The following ASTN1 variants were observed in gnomAD, a reference collection of about 807,000 sequenced individuals.
ASTN1 encodes the protein astrotactin-1.
In ASTN1, 41 loss-of-function variants were observed where a neutral mutation model predicts 140.7. The ratio of observed to expected loss-of-function variants is 0.29; its 90% CI spans 0.23 to 0.38. The LOEUF (loss-of-function observed/expected upper bound fraction) is 0.38. Ranked by LOEUF, ASTN1 falls within the 10% of genes least tolerant of loss-of-function variation. ASTN1 has a pLI of 1.00. For synonymous variants in ASTN1, 640 were observed against 652.2 expected (o/e 0.98, Z 0.29); for missense variants, 1,479 against 1,678.8 (o/e 0.88, Z 2.08).
rs1213909805 is a variant in ASTN1 at position 176,949,233 on chromosome 1, G to T, written c.2006C>A (p.Ala669Glu). 1 of 1,614,022 alleles carries T rather than the reference G, an allele frequency of 6.2e-7. No homozygotes were observed. Among genetic ancestry groups the T allele is most frequent in the Admixed American group, 1.7e-5 (1 of 60,022 alleles). ...GCEQLCLQQM[A>E]PFPDDPTLYN... is the part of the protein sequence containing the mutation. ...CAAGGTGGGGTCGTCCGGGAAGGGC[G>T]CCATCTGCTGGAGGCACAGCTGCTC... is the stretch of plus-strand genomic sequence containing the variant. Residue 669 changes from alanine to glutamate, a missense_variant, in exon 12 of 23, where the codon GCG becomes GAG. Coordinates refer to ENST00000361833, the MANE Select transcript of ASTN1 (RefSeq NM_004319.3).
intron 1 of ASTN1, among the ~76,000 whole-genome samples, chr1:177,099,759 T>G (rs1286158849): frequency 6.6e-6 from 1 of 152,118 alleles, no homozygotes; most frequent in African/African-American, 2.4e-5. Context: ...CTTAATCTAC[T>G]TAGTAGGAGC....
chr1:177,012,995 C>G lies in ASTN1; in HGVS notation c.1523+1796G>C, dbSNP rs570726086. ...AGCTAAAATTTTGGATCCCCAGAAA[C>G]TATGCAAACATTTCAGAGGCAAAGA... On this transcript the variant is annotated intron_variant, in intron 8 of 22. Transcript: ENST00000361833. Among the ~76,000 whole-genome samples, 7 of 152,294 alleles carry G rather than the reference C, an allele frequency of 4.6e-5. No individual in the cohort carries two copies. In the South Asian group the frequency reaches 1.5e-3, roughly 32 times the overall value.
intron 3 of ASTN1, 23 bp downstream of exon 3, chr1:177,032,433 C>T (rs767376163): frequency 5.0e-6 from 8 of 1,605,544 alleles, no homozygotes; most frequent in East Asian, 2.2e-5. Flanking sequence ...CCAAACAGCC[C>T]CTTGCCTTTC....
At chr1:176,951,268 C>T (rs963720881) in intron 11 of ASTN1, among the ~76,000 whole-genome samples, 11 of 152,234 alleles carry the variant, frequency 7.2e-5, no homozygotes, top group African/African-American at 2.7e-4. Context: ...GTTTTGCTAG[C>T]CTCCCACTAA....
At chr1:177,092,744 CT>C (rs942665254) in intron 1 of ASTN1, among the ~76,000 whole-genome samples, 2 of 152,076 alleles carry the variant, frequency 1.3e-5, no homozygotes, top group African/African-American at 4.8e-5. Flanking sequence ...TGTCCCAGCA[CT>C]TTTTTTGACA....
At chr1:176,880,029 G>A (rs1571448699) in intron 20 of ASTN1, among the ~76,000 whole-genome samples, 2 of 152,190 alleles carry the variant, frequency 1.3e-5, no homozygotes, top group Non-Finnish European at 2.9e-5. Context: ...CACCCTCAGA[G>A]GGTTAGATGG....
At chr1:177,015,825 T>C (rs1348502131) in intron 7 of ASTN1, among the ~76,000 whole-genome samples, 1 of 152,198 alleles carries the variant, frequency 6.6e-6, no homozygotes, top group Non-Finnish European at 1.5e-5. Flanking sequence ...CTTCATTATG[T>C]TAATAATTCT....
chr1:177,118,445 G>T (rs1681205429), intron 1 of ASTN1, among the ~76,000 whole-genome samples: 1 of 152,156 alleles, frequency 6.6e-6, no homozygotes, highest in Non-Finnish European at 1.5e-5. Context: ...TGCTCTAAAA[G>T]AAGTAATTTA....
chr1:177,041,548 T>A (rs892174573), intron 2 of ASTN1, among the ~76,000 whole-genome samples: 2 of 152,188 alleles, frequency 1.3e-5, no homozygotes, highest in Non-Finnish European at 2.9e-5. Flanking sequence ...ATGAAGCCAA[T>A]AAATAAATAT....
intron 2 of ASTN1, among the ~76,000 whole-genome samples, chr1:177,059,245 A>G (rs892796944): frequency 6.6e-6 from 1 of 152,190 alleles, no homozygotes; most frequent in Admixed American, 6.5e-5. Context: ...GAAATCCACC[A>G]TTGTGCCCTT....
chr1:177,115,336 A>G (rs1179393511), intron 1 of ASTN1, among the ~76,000 whole-genome samples: 3 of 152,152 alleles, frequency 2.0e-5, no homozygotes, highest in Non-Finnish European at 4.4e-5. Context: ...TACATGTGCA[A>G]TTATACTTTT....
In ASTN1 at chr1:176,897,274, C is replaced by CAAA. The variant is rs56828059; in HGVS notation, c.2672-2447_2672-2445dup. Among the ~76,000 whole-genome samples, 314 of 43,754 alleles carry CAAA rather than the reference C, an allele frequency of 7.2e-3. 7 individuals are homozygous for CAAA. Among genetic ancestry groups the CAAA allele is most frequent in the Middle Eastern group, 0.013 (1 of 78 alleles). The allele number at this position is 43,754 out of a possible 152,430, so 28.7% of individuals were successfully genotyped here. A position where few individuals can be genotyped will look rare whatever the true frequency, so the allele number is the denominator to read the frequency against. On this transcript the variant is annotated intron_variant, in intron 16 of 22. Coordinates refer to ENST00000361833, the MANE Select transcript of ASTN1 (RefSeq NM_004319.3). ...TGGGCTACAGAGCAAGACTCCGTCT[C>CAAA]AAAAAAAAAAAAAAAAAAAAAAAGG...
chr1:177,138,805 T>C (rs1682321328), intron 1 of ASTN1, among the ~76,000 whole-genome samples: 2 of 152,196 alleles, frequency 1.3e-5, no homozygotes, highest in East Asian at 1.9e-4. Flanking sequence ...GTGGATCTTA[T>C]TGGTGCCGAA....
At chr1:177,030,734 A>C in intron 4 of ASTN1, 72 bp downstream of exon 4, 2 of 1,584,404 alleles carry the variant, frequency 1.3e-6, no homozygotes, top group South Asian at 2.3e-5. Flanking sequence ...GAATGGGTAG[A>C]AGATATTAAT....
chr1:177,099,430 C>T (rs1680198761), intron 1 of ASTN1, among the ~76,000 whole-genome samples: 1 of 151,668 alleles, frequency 6.6e-6, no homozygotes, highest in Non-Finnish European at 1.5e-5. Context: ...AGGGAAAGCA[C>T]ATAAAATATC....
intron 7 of ASTN1, 111 bp downstream of exon 7, chr1:177,023,293 C>T (rs1280521481): frequency 6.5e-6 from 9 of 1,374,486 alleles, no homozygotes; most frequent in South Asian, 1.4e-5. Flanking sequence ...GGTCTAGGCT[C>T]GAGATGGCAG....
chr1:176,958,406 T>A lies in ASTN1; in HGVS notation c.1675A>T (p.Ile559Phe). The change falls in exon 10 of 23, where the codon ATC (isoleucine) becomes TTC (phenylalanine). Residue 559 changes from isoleucine to phenylalanine, a missense_variant. Coordinates refer to ENST00000361833, the MANE Select transcript of ASTN1 (RefSeq NM_004319.3). The stretch of plus-strand genomic sequence containing the variant: ...GTCTTGCACTTTGCTGATGGATTGA[T>A]GGCCAGTTCGGCTGGTGGAATCACA... ...SFVIPPAELA[I>F]NPSAKCKTDM... The A allele has an allele frequency of 6.2e-7, 1 of 1,614,124 alleles. No homozygotes were observed. The highest frequency in any genetic ancestry group is 1.1e-5 in the South Asian group (1 of 91,068).
intron 8 of ASTN1, among the ~76,000 whole-genome samples, chr1:176,974,112 T>TA (rs1480974970): frequency 1.3e-5 from 2 of 152,334 alleles, no homozygotes; most frequent in South Asian, 2.1e-4. Context: ...TTCTATATTT[T>TA]ATGTATATGT....
At chr1:177,056,240 G>A (rs145831528) in intron 2 of ASTN1, among the ~76,000 whole-genome samples, 431 of 152,286 alleles carry the variant, frequency 2.8e-3, no homozygotes, top group African/African-American at 9.8e-3. Flanking sequence ...TTCCCACAGT[G>A]CCCATTTTAT....
Sources: allele counts gnomAD v4.1 joint callset (sites outside exome capture counted in the v4.1 genomes callset), GRCh38; gene constraint gnomAD v4.1.1; transcripts MANE v1.5; gene names NCBI Gene and HGNC (gene_info 2026-07-23, HGNC 2026-07-21).